The following CDH8 variants were observed in gnomAD, a reference collection of about 807,000 sequenced individuals.
The protein encoded by CDH8 is cadherin-8.
In CDH8, 17 loss-of-function variants were observed where a neutral mutation model predicts 68.1. The ratio of observed to expected loss-of-function variants is 0.25; its 90% CI spans 0.17 to 0.37. The LOEUF is 0.37. CDH8 is among the 10% of genes least tolerant of loss of function. CDH8 has a pLI of 1.00. For missense variants in CDH8, 763 were observed against 999.3 expected (o/e 0.76, Z 3.19); for synonymous variants, 372 against 365.1 (o/e 1.02, Z -0.21).
intron 2 of CDH8, among the ~76,000 whole-genome samples, chr16:62,010,751 C>G (rs1374305961): frequency 6.6e-6 from 1 of 151,688 alleles, no homozygotes; most frequent in Non-Finnish European, 1.5e-5. Context: ...CCAGCCTGAC[C>G]AACATGGAGA....
intron 8 of CDH8, among the ~76,000 whole-genome samples, chr16:61,780,558 T>C (rs111417797): frequency 0.014 from 2,166 of 152,356 alleles, 54 homozygotes; most frequent in African/African-American, 0.049. Flanking sequence ...TCATTTTAAA[T>C]TGTTCTCCCT....
intron 10 of CDH8, among the ~76,000 whole-genome samples, chr16:61,672,187 T>C (rs1963811369): frequency 6.6e-6 from 1 of 152,048 alleles, no homozygotes; most frequent in African/African-American, 2.4e-5. Context: ...TATAAAGATG[T>C]CCACCATCAA....
At chr16:62,013,811 C>G (rs1049703397) in intron 2 of CDH8, among the ~76,000 whole-genome samples, 1 of 152,114 alleles carries the variant, frequency 6.6e-6, no homozygotes, top group African/African-American at 2.4e-5. Context: ...TTTATACTGA[C>G]TATCTTGTTG....
intron 8 of CDH8, among the ~76,000 whole-genome samples, chr16:61,781,536 A>C (rs1961055686): frequency 6.6e-6 from 1 of 152,322 alleles, no homozygotes; most frequent in African/African-American, 2.4e-5. Flanking sequence ...CAGGAGGATC[A>C]CTTGAGCCCA....
chr16:62,007,633 G>A (rs942955954), intron 2 of CDH8, among the ~76,000 whole-genome samples: 1 of 152,126 alleles, frequency 6.6e-6, no homozygotes, highest in African/African-American at 2.4e-5. Flanking sequence ...GAACAGAAAA[G>A]TATATACAAA....
At chr16:62,008,943 AC>A in intron 2 of CDH8, among the ~76,000 whole-genome samples, 1 of 27,176 alleles carries the variant, frequency 3.7e-5, no homozygotes, top group African/African-American at 1.1e-4. Context: ...TAGGATGTGC[AC>A]ACACACACAC....
chr16:61,915,445 A>T (rs1964223678), intron 2 of CDH8, among the ~76,000 whole-genome samples: 1 of 152,218 alleles, frequency 6.6e-6, no homozygotes, highest in South Asian at 2.1e-4. Context: ...TCAATATCAC[A>T]TGTAGCAAGT....
chr16:61,963,889 T>C (rs1252760796), intron 2 of CDH8, among the ~76,000 whole-genome samples: 1 of 152,180 alleles, frequency 6.6e-6, no homozygotes, highest in Non-Finnish European at 1.5e-5. Flanking sequence ...CTTGCTTATC[T>C]CTACAGAAAA....
rs569643806 is a variant in CDH8 at position 61,649,225 on chromosome 16, A to G, written c.*4383T>C. ...ATTCTAATCCCAGGTATTATGAGCC[A>G]TTATTCTGTTCACAAATAAAAAGCT... On this transcript the variant is annotated 3_prime_UTR_variant, in exon 12 of 12. Transcript: ENST00000577390. 3 of 152,074 alleles carry G rather than the reference A, an allele frequency of 2.0e-5. No homozygotes were observed. In the South Asian group the frequency reaches 6.2e-4, roughly 32 times the overall value. 9.4% of individuals were successfully genotyped at this position (152,074 alleles called of 1,614,324 possible). A position where few individuals can be genotyped will look rare whatever the true frequency, so the allele number is the denominator to read the frequency against.
intron 1 of CDH8, 47 bp downstream of exon 1, chr16:62,036,033 T>C (rs551091688): frequency 6.6e-6 from 1 of 152,348 alleles, no homozygotes; most frequent in African/African-American, 2.4e-5. Flanking sequence ...CCCTTCTGGA[T>C]AGTCGGAACA....
chr16:61,895,997 T>TA (rs553346720), intron 3 of CDH8, among the ~76,000 whole-genome samples: 26,090 of 143,878 alleles, frequency 0.18, 2,380 homozygotes, highest in Middle Eastern at 0.27. Context: ...TAAGTCAAAG[T>TA]AAAAAAAAAA....
At chr16:61,719,047 AT>A (rs1158060544) in intron 9 of CDH8, among the ~76,000 whole-genome samples, 1 of 151,070 alleles carries the variant, frequency 6.6e-6, no homozygotes, top group East Asian at 2.0e-4. Flanking sequence ...TTGTCTGGAT[AT>A]TTTTGATAAT....
At chr16:61,879,103 C>G (rs1963519018) in intron 3 of CDH8, among the ~76,000 whole-genome samples, 1 of 152,124 alleles carries the variant, frequency 6.6e-6, no homozygotes, top group African/African-American at 2.4e-5. Context: ...AAATCCCACA[C>G]AAATTAGTTT....
intron 10 of CDH8, among the ~76,000 whole-genome samples, chr16:61,685,183 GAA>G (rs11357299): frequency 6.1e-4 from 71 of 115,862 alleles, no homozygotes; most frequent in African/African-American, 2.0e-3. Flanking sequence ...GGTCCTGTCT[GAA>G]AAAAAAAAAA....
intron 3 of CDH8, among the ~76,000 whole-genome samples, chr16:61,896,707 A>C (rs1473031520): frequency 6.6e-6 from 1 of 152,206 alleles, no homozygotes; most frequent in East Asian, 1.9e-4. Context: ...GACACCAGAC[A>C]TCCAATGCAT....
chr16:61,982,868 A>T (rs1965562724), intron 2 of CDH8, among the ~76,000 whole-genome samples: 1 of 152,228 alleles, frequency 6.6e-6, no homozygotes. Context: ...GAGTGAGCCC[A>T]GAGATTCTCT....
At chr16:61,660,533 A>C (rs1963534722) in intron 10 of CDH8, among the ~76,000 whole-genome samples, 1 of 152,006 alleles carries the variant, frequency 6.6e-6, no homozygotes, top group Non-Finnish European at 1.5e-5. Flanking sequence ...GGAGAAAGAA[A>C]CAGAAAAAAT....
chr16:61,909,041 T>C (rs1964113595), intron 2 of CDH8, among the ~76,000 whole-genome samples: 1 of 152,136 alleles, frequency 6.6e-6, no homozygotes, highest in Admixed American at 6.5e-5. Flanking sequence ...GAAATAATCC[T>C]TGATCAAATG....
At chr16:61,971,682 C>G (rs1282737636) in intron 2 of CDH8, among the ~76,000 whole-genome samples, 1 of 152,188 alleles carries the variant, frequency 6.6e-6, no homozygotes, top group Non-Finnish European at 1.5e-5. Context: ...TTCAGCCCCT[C>G]TTCCCTCCCT....
Sources: gnomAD v4.1 joint callset for allele counts (sites outside exome capture counted in the v4.1 genomes callset) on GRCh38, gnomAD v4.1.1 for gene constraint, MANE v1.5 for transcripts, NCBI Gene and HGNC (gene_info 2026-07-23, HGNC 2026-07-21) for gene names.